The following PAK1 variants were observed in gnomAD, a reference collection of about 807,000 sequenced individuals.
PAK1 encodes the protein p21 (RAC1) activated kinase 1, also known as serine/threonine-protein kinase PAK 1.
A neutral mutation model predicts 67.4 loss-of-function variants in PAK1; 29 were observed. The ratio of observed to expected loss-of-function variants is 0.43; its 90% CI spans 0.32 to 0.59. PAK1 has a LOEUF of 0.59. PAK1 is among the 20% of genes least tolerant of loss of function. PAK1 has a pLI of 0.07. For missense variants in PAK1, 337 were observed against 670.7 expected (o/e 0.50, Z 5.50); for synonymous variants, 223 against 237.4 (o/e 0.94, Z 0.56).
chr11:77,459,349 A>G (rs1329624879), intron 1 of PAK1, among the ~76,000 whole-genome samples: 2 of 152,198 alleles, frequency 1.3e-5, no homozygotes, highest in African/African-American at 4.8e-5. Flanking sequence ...AAGTCAAGGG[A>G]AGAGATGATT....
intron 2 of PAK1, among the ~76,000 whole-genome samples, chr11:77,387,233 C>T (rs779582783): frequency 2.8e-4 from 42 of 151,868 alleles, no homozygotes; most frequent in Non-Finnish European, 5.0e-4. Context: ...CCACCACAAC[C>T]GGCTAATTTC....
At position 77,453,333 on chromosome 11, in the gene PAK1, G is replaced by A. The variant is rs552214988; in HGVS notation, c.-22+20219C>T. Reference sequence around the variant, plus strand: ...CGCGCCATTGCACTCCAGCCTGGGCGAAAAGAGCAAAACTCAGTCTCAGGA... The same window carrying A: ...CGCGCCATTGCACTCCAGCCTGGGCAAAAAGAGCAAAACTCAGTCTCAGGA... On this transcript the variant is annotated intron_variant, in intron 1 of 14. Coordinates refer to ENST00000356341, the MANE Select transcript of PAK1 (RefSeq NM_002576.5). Among the ~76,000 whole-genome samples, 37 of 151,944 alleles carry A rather than the reference G, an allele frequency of 2.4e-4. 1 individual carries two copies. Among genetic ancestry groups the A allele is most frequent in the Middle Eastern group, 6.8e-3 (2 of 294 alleles).
At chr11:77,446,007 A>G (rs1226254732) in intron 1 of PAK1, among the ~76,000 whole-genome samples, 1 of 152,210 alleles carries the variant, frequency 6.6e-6, no homozygotes, top group Non-Finnish European at 1.5e-5. Context: ...TACATGCTCA[A>G]TCAACAGTTC....
At chr11:77,469,022 T>C (rs1369820443) in intron 1 of PAK1, among the ~76,000 whole-genome samples, 1 of 152,120 alleles carries the variant, frequency 6.6e-6, no homozygotes, top group Non-Finnish European at 1.5e-5. Context: ...TAAACGAATG[T>C]AAATCTGTCT....
At chr11:77,384,149 C>G (rs887816159) in intron 2 of PAK1, among the ~76,000 whole-genome samples, 1 of 152,128 alleles carries the variant, frequency 6.6e-6, no homozygotes, top group Non-Finnish European at 1.5e-5. Context: ...ACAGAATAAG[C>G]AGAGGCCAAA....
intron 1 of PAK1, among the ~76,000 whole-genome samples, chr11:77,422,504 G>A (rs1217058405): frequency 2.6e-5 from 4 of 150,978 alleles, no homozygotes; most frequent in Admixed American, 6.6e-5. Context: ...GCAGTAAGCC[G>A]AGATCGCGCC....
chr11:77,513,657 T>TGA, the PAK1 span, among the ~76,000 whole-genome samples: 3 of 97,050 alleles, frequency 3.1e-5, no homozygotes, highest in East Asian at 9.0e-4. Context: ...GGCAACAAAG[T>TGA]GAGACTCTGT....
At chr11:77,324,197 G>T (rs1298740422) in intron 14 of PAK1, among the ~76,000 whole-genome samples, 2 of 135,628 alleles carry the variant, frequency 1.5e-5, no homozygotes, top group Non-Finnish European at 3.1e-5. Flanking sequence ...TTTTGAGACG[G>T]AGTCTCACTC....
chr11:77,427,794 G>T (rs1955630061), intron 1 of PAK1, among the ~76,000 whole-genome samples: 1 of 152,214 alleles, frequency 6.6e-6, no homozygotes, highest in South Asian at 2.1e-4. Context: ...TGACTATAGA[G>T]GTCAGAGAGG....
intron 1 of PAK1, among the ~76,000 whole-genome samples, chr11:77,445,984 T>C (rs1013342685): frequency 1.2e-4 from 18 of 152,222 alleles, no homozygotes; most frequent in African/African-American, 3.9e-4. Context: ...CCAGTACTTA[T>C]CACAGTTCAT....
At chr11:77,484,626 A>G in the PAK1 span, among the ~76,000 whole-genome samples, 3 of 152,228 alleles carry the variant, frequency 2.0e-5, no homozygotes, top group Admixed American at 6.5e-5. Context: ...GCTGCCAGGA[A>G]GAAAAGTTAT....
At chr11:77,407,516 G>A (rs1169654230) in intron 1 of PAK1, among the ~76,000 whole-genome samples, 1 of 152,170 alleles carries the variant, frequency 6.6e-6, no homozygotes, top group Admixed American at 6.5e-5. Context: ...TATAGCATCT[G>A]AGCAATTTTT....
At chr11:77,375,091 A>G (rs949524535) in intron 4 of PAK1, among the ~76,000 whole-genome samples, 11 of 152,196 alleles carry the variant, frequency 7.2e-5, no homozygotes, top group Admixed American at 6.5e-4. Context: ...ATTAATTATC[A>G]GACCACCATT....
At chr11:77,420,169 T>G (rs903269146) in intron 1 of PAK1, among the ~76,000 whole-genome samples, 8 of 152,074 alleles carry the variant, frequency 5.3e-5, no homozygotes, top group African/African-American at 1.9e-4. Context: ...AAGGAGTAAA[T>G]TTTTCATAGA....
chr11:77,499,467 T>A, the PAK1 span, among the ~76,000 whole-genome samples: 1 of 152,196 alleles, frequency 6.6e-6, no homozygotes, highest in East Asian at 1.9e-4. Context: ...AGAGATGTCT[T>A]CACTCAAGCT....
intron 2 of PAK1, among the ~76,000 whole-genome samples, chr11:77,387,541 A>C (rs1011983866): frequency 6.6e-6 from 1 of 152,224 alleles, no homozygotes; most frequent in African/African-American, 2.4e-5. Context: ...ACTTTTCTCT[A>C]AGCCTTAGCC....
At chr11:77,324,557 T>G (rs1272447762) in intron 14 of PAK1, among the ~76,000 whole-genome samples, 2 of 152,118 alleles carry the variant, frequency 1.3e-5, no homozygotes, top group Non-Finnish European at 2.9e-5. Context: ...AAAAGCTTTG[T>G]GTCTTAAAGC....
intron 14 of PAK1, chr11:77,325,220 G>A: frequency 7.4e-7 from 1 of 1,350,724 alleles, no homozygotes; most frequent in East Asian, 2.3e-5. Context: ...GACTAGATGA[G>A]CCCTAAGGGC....
the PAK1 span, among the ~76,000 whole-genome samples, chr11:77,489,965 A>C: frequency 6.6e-6 from 1 of 150,742 alleles, no homozygotes; most frequent in Non-Finnish European, 1.5e-5. Flanking sequence ...GAAAGTGAGG[A>C]GCGTCTCTGC....
Sources: gnomAD v4.1 joint callset for allele counts (sites outside exome capture counted in the v4.1 genomes callset) on GRCh38, gnomAD v4.1.1 for gene constraint, MANE v1.5 for transcripts, NCBI Gene and HGNC (gene_info 2026-07-23, HGNC 2026-07-21) for gene names.